Variants in NYAP2 observed in about 807,000 individuals in gnomAD.
The protein encoded by NYAP2 is neuronal tyrosine-phosphorylated phosphoinositide-3-kinase adaptor 2.
NYAP2 carries 23 observed loss-of-function variants against 50.4 expected under a neutral mutation model. The ratio of observed to expected loss-of-function variants is 0.46; its 90% CI spans 0.33 to 0.65. The LOEUF is 0.65. NYAP2 is among the 30% of genes least tolerant of loss of function. The pLI, the probability that NYAP2 is intolerant of heterozygous loss-of-function variation, is 0.02. For synonymous variants in NYAP2, 394 were observed against 365.2 expected (o/e 1.08, Z -0.90); for missense variants, 885 against 861.0 (o/e 1.03, Z -0.35).
the NYAP2 span, among the ~76,000 whole-genome samples, chr2:225,692,866 AACATAC>A: frequency 3.0e-4 from 44 of 147,912 alleles, no homozygotes; most frequent in Middle Eastern, 0.01. Flanking sequence ...CTTATCTTTA[AACATAC>A]ACACACACAC....
intron 3 of NYAP2, among the ~76,000 whole-genome samples, chr2:225,427,483 G>A (rs563580726): frequency 9.9e-5 from 15 of 152,252 alleles, no homozygotes; most frequent in Admixed American, 4.6e-4. Context: ...CTCTCCAGCC[G>A]TAGAGAATGT....
At chr2:225,589,951 C>T (rs1011864035) in intron 5 of NYAP2, among the ~76,000 whole-genome samples, 4 of 151,978 alleles carry the variant, frequency 2.6e-5, no homozygotes, top group Non-Finnish European at 4.4e-5. Flanking sequence ...CCTGGATGTA[C>T]GGTAACTTGG....
chr2:225,450,843 T>G (rs1449927730), intron 3 of NYAP2, among the ~76,000 whole-genome samples: 2 of 152,192 alleles, frequency 1.3e-5, no homozygotes, highest in Non-Finnish European at 2.9e-5. Flanking sequence ...ATGTCTTGCT[T>G]CACAGTCCTG....
intron 2 of NYAP2, among the ~76,000 whole-genome samples, chr2:225,406,637 T>C (rs1247386496): frequency 6.6e-6 from 1 of 152,012 alleles, no homozygotes; most frequent in African/African-American, 2.4e-5. Flanking sequence ...CAAACATTTA[T>C]TCAATTTTCA....
chr2:225,560,932 C>CA (rs1691859548), intron 4 of NYAP2, among the ~76,000 whole-genome samples: 1 of 69,326 alleles, frequency 1.4e-5, no homozygotes, highest in Non-Finnish European at 3.5e-5. Flanking sequence ...CTTTCCAAAA[C>CA]GTTTTTTTTT....
chr2:225,454,669 G>C (rs1689708005), intron 3 of NYAP2, among the ~76,000 whole-genome samples: 1 of 152,142 alleles, frequency 6.6e-6, no homozygotes, highest in Non-Finnish European at 1.5e-5. Context: ...ATAGGAGCAT[G>C]AACCCTATTG....
At chr2:225,445,876 AATTAGTTTATTTACTT>A (rs1689545134) in intron 3 of NYAP2, among the ~76,000 whole-genome samples, 1 of 152,094 alleles carries the variant, frequency 6.6e-6, no homozygotes, top group Non-Finnish European at 1.5e-5. Context: ...GCTTTTGAAA[AATTAGTTTATTTACTT>A]ATTAGTAATA....
At chr2:225,597,170 T>A (rs1692614625) in intron 5 of NYAP2, among the ~76,000 whole-genome samples, 1 of 151,998 alleles carries the variant, frequency 6.6e-6, no homozygotes, top group Non-Finnish European at 1.5e-5. Flanking sequence ...CCATAGGTTT[T>A]GGGGAAACAG....
At chr2:225,466,393 G>T (rs1689919274) in intron 3 of NYAP2, among the ~76,000 whole-genome samples, 1 of 152,052 alleles carries the variant, frequency 6.6e-6, no homozygotes, top group Non-Finnish European at 1.5e-5. Context: ...TTACTTGGGG[G>T]ATAAAGGGAC....
At chr2:225,403,911 A>C (rs1022069286) in intron 2 of NYAP2, among the ~76,000 whole-genome samples, 1 of 152,030 alleles carries the variant, frequency 6.6e-6, no homozygotes, top group Non-Finnish European at 1.5e-5. Flanking sequence ...ACAATGTATG[A>C]AATTACACTC....
chr2:225,665,807 TAAAAAAAAA>T, the NYAP2 span, among the ~76,000 whole-genome samples: 133 of 20,998 alleles, frequency 6.3e-3, 4 homozygotes, highest in East Asian at 0.061. Flanking sequence ...AGCCTCCGTC[TAAAAAAAAA>T]AAAAAAAAAA....
chr2:225,701,651 G>C, the NYAP2 span: 1 of 151,748 alleles, frequency 6.6e-6, no homozygotes, highest in Non-Finnish European at 1.5e-5. Context: ...CAAATGTGAT[G>C]GATTTATGTA....
At chr2:225,677,189 T>C in the NYAP2 span, among the ~76,000 whole-genome samples, 1 of 152,058 alleles carries the variant, frequency 6.6e-6, no homozygotes, top group African/African-American at 2.4e-5. Context: ...AATGGGATTA[T>C]GTTCTTGACT....
chr2:225,454,100 A>G (rs1271841269), intron 3 of NYAP2, among the ~76,000 whole-genome samples: 2 of 152,038 alleles, frequency 1.3e-5, no homozygotes, highest in East Asian at 3.9e-4. Context: ...AAGGTGGGAG[A>G]ATCACTTGAG....
the NYAP2 span, among the ~76,000 whole-genome samples, chr2:225,665,918 C>T: frequency 7.0e-6 from 1 of 142,158 alleles, no homozygotes; most frequent in South Asian, 2.5e-4. Flanking sequence ...TTCTTTCCTT[C>T]TTATCCCACT....
intron 3 of NYAP2, among the ~76,000 whole-genome samples, chr2:225,490,576 G>C (rs1690386698): frequency 6.6e-6 from 1 of 152,076 alleles, no homozygotes; most frequent in Non-Finnish European, 1.5e-5. Flanking sequence ...AGGCCTCCTG[G>C]ATGAGGGAAA....
chr2:225,548,054 T>C (rs78405439), intron 4 of NYAP2, among the ~76,000 whole-genome samples: 1 of 152,132 alleles, frequency 6.6e-6, no homozygotes, highest in Admixed American at 6.5e-5. Context: ...TAGAGATACA[T>C]TAGCTAATAA....
At chr2:225,665,347 G>GA in the NYAP2 span, among the ~76,000 whole-genome samples, 12 of 149,856 alleles carry the variant, frequency 8.0e-5, no homozygotes, top group South Asian at 6.3e-4. Context: ...AAAGGCAAAA[G>GA]AAAAAAAAAT....
chr2:225,496,090 T>C (rs1348140848), intron 3 of NYAP2, among the ~76,000 whole-genome samples: 1 of 152,078 alleles, frequency 6.6e-6, no homozygotes, highest in Non-Finnish European at 1.5e-5. Flanking sequence ...TTTACAGCAA[T>C]TGAGAAACAC....
Sources: allele counts gnomAD v4.1 joint callset (sites outside exome capture counted in the v4.1 genomes callset), GRCh38; gene constraint gnomAD v4.1.1; transcripts MANE v1.5; gene names NCBI Gene and HGNC (gene_info 2026-07-23, HGNC 2026-07-21).